Variants in BCAS3 observed in about 807,000 individuals in gnomAD.
The protein encoded by BCAS3 is BCAS4/BCAS3 fusion.
Under a neutral mutation model 116.1 loss-of-function variants are expected in BCAS3, and 53 were observed. The observed-to-expected ratio is 0.46, with a 90% CI of 0.37 to 0.57. The LOEUF is 0.57. Among genes scored for constraint, BCAS3 ranks in the 20% least tolerant of loss-of-function variants. BCAS3 has a pLI of 0.00. For missense variants in BCAS3, 917 were observed against 1,165.4 expected, an observed-to-expected ratio of 0.79 and a Z score of 3.10; for synonymous variants, 391 against 408.2, an observed-to-expected ratio of 0.96 and a Z score of 0.51.
At chr17:60,918,767 AC>A (rs1301446734) in intron 12 of BCAS3, among the ~76,000 whole-genome samples, 13 of 145,780 alleles carry the variant, frequency 8.9e-5, no homozygotes, top group Admixed American at 7.1e-4. Flanking sequence ...ATCTTGGCTC[AC>A]TGCAAGCTCC....
At chr17:61,110,250 C>T (rs897834197) in intron 22 of BCAS3, among the ~76,000 whole-genome samples, 8 of 152,076 alleles carry the variant, frequency 5.3e-5, no homozygotes, top group African/African-American at 7.2e-5. Flanking sequence ...CCAAGATGGC[C>T]GAATAGGAAC....
At chr17:60,888,983 T>C (rs937769346) in intron 9 of BCAS3, among the ~76,000 whole-genome samples, 38 of 152,096 alleles carry the variant, frequency 2.5e-4, no homozygotes, top group African/African-American at 8.4e-4. Context: ...GACTAGGGAG[T>C]GGCAGCAGGG....
intron 12 of BCAS3, among the ~76,000 whole-genome samples, chr17:60,916,409 G>C (rs1350758134): frequency 6.6e-6 from 1 of 152,094 alleles, no homozygotes; most frequent in Admixed American, 6.5e-5. Context: ...GGAAATAAAG[G>C]CATTCTTAGA....
chr17:60,828,115 A>G (rs1397679907), intron 7 of BCAS3, among the ~76,000 whole-genome samples: 2 of 152,196 alleles, frequency 1.3e-5, no homozygotes, highest in African/African-American at 2.4e-5. Context: ...ACTGGTTTAA[A>G]TGTTGGTCCA....
intron 7 of BCAS3, among the ~76,000 whole-genome samples, chr17:60,828,273 G>A (rs545838125): frequency 6.6e-6 from 1 of 152,196 alleles, no homozygotes; most frequent in Non-Finnish European, 1.5e-5. Context: ...TAGTGAATAA[G>A]CCTGAAAAGA....
chr17:60,991,158 A>C (rs148162994), intron 15 of BCAS3, among the ~76,000 whole-genome samples: 1 of 152,314 alleles, frequency 6.6e-6, no homozygotes, highest in East Asian at 1.9e-4. Flanking sequence ...ACTCCTAAGC[A>C]AGTGTCCTTA....
intron 23 of BCAS3, among the ~76,000 whole-genome samples, chr17:61,372,686 G>A (rs868390545): frequency 2.0e-5 from 3 of 152,102 alleles, no homozygotes; most frequent in African/African-American, 2.4e-5. Flanking sequence ...CCGAGCATAC[G>A]CAGTCTCTTG....
In BCAS3 at chr17:61,344,602, G is replaced by A. The variant is rs573020410; in HGVS notation, c.2426-23725G>A. Among the ~76,000 whole-genome samples the A allele has an allele frequency of 1.9e-4, 29 of 152,206 alleles. No homozygotes were observed. Among genetic ancestry groups the A allele is most frequent in the Non-Finnish European group, 3.7e-4 (25 of 68,042 alleles). The stretch of plus-strand genomic sequence containing the variant: ...CAGTAGTGTGTTACATGCTGATAGG[G>A]CAGGTTCAGGGCACCTGACCTAACC... On this transcript the variant is annotated intron_variant, in intron 22 of 23. Coordinates refer to ENST00000407086, the MANE Select transcript of BCAS3 (RefSeq NM_017679.5). This position sits in a 1 kb window ranked among gnomAD's most constrained non-coding sequence, Gnocchi z 4.1.
chr17:60,965,264 C>T (rs887441883), intron 14 of BCAS3, among the ~76,000 whole-genome samples: 4 of 148,560 alleles, frequency 2.7e-5, no homozygotes, highest in Non-Finnish European at 5.9e-5. Context: ...AGTCTCACTC[C>T]AGGCTGGAGT....
In BCAS3 at chr17:61,028,024, GA is replaced by G. The variant is rs2066380453; in HGVS notation, c.1638-6638del. Among the ~76,000 whole-genome samples, 1 of 151,838 alleles carries G rather than the reference GA, an allele frequency of 6.6e-6. No individual in the cohort carries two copies. The highest frequency in any genetic ancestry group is 2.4e-5 in the African/African-American group (1 of 41,402). On this transcript the variant is annotated intron_variant, in intron 16 of 23. Coordinates refer to ENST00000407086, the MANE Select transcript of BCAS3 (RefSeq NM_017679.5). This position sits in a 1 kb window ranked among gnomAD's most constrained non-coding sequence, Gnocchi z 4.3. ...ATTTTATTAATTTAGTCAGAATACTGAAAAGAGTTCTGCACATATGTGTAGT... is the reference window on the plus strand; with the variant it reads ...ATTTTATTAATTTAGTCAGAATACTGAAAGAGTTCTGCACATATGTGTAGT...
chr17:61,360,577 G>C (rs1350390088), intron 22 of BCAS3, among the ~76,000 whole-genome samples: 2 of 152,174 alleles, frequency 1.3e-5, no homozygotes, highest in Non-Finnish European at 2.9e-5. Context: ...GGCTTAGGCA[G>C]GATAACTCAC....
intron 14 of BCAS3, among the ~76,000 whole-genome samples, chr17:60,974,153 G>A (rs1014873406): frequency 4.8e-4 from 73 of 152,150 alleles, no homozygotes; most frequent in African/African-American, 1.7e-3. Context: ...AACAATCTCT[G>A]CTTCAGGTTT....
At position 61,222,616 on chromosome 17, in the gene BCAS3, G is replaced by A. The variant is rs989103869; in HGVS notation, c.2425+138052G>A. On this transcript the variant is annotated intron_variant, in intron 22 of 23. Transcript: ENST00000407086. The surrounding 1 kb of genome is among the most constrained non-coding windows in gnomAD (Gnocchi z 6.1). ...CTGTAGCTTAGTAATAACTGAACAT[G>A]GTTAATTTGTTCTGGTTTATTGTTG... Among the ~76,000 whole-genome samples, 2 of 152,074 alleles carry A rather than the reference G, an allele frequency of 1.3e-5. No individual in the cohort carries two copies. The highest frequency in any genetic ancestry group is 1.5e-5 in the Non-Finnish European group (1 of 68,024).
intron 10 of BCAS3, among the ~76,000 whole-genome samples, chr17:60,897,241 C>T (rs1230848703): frequency 6.6e-6 from 1 of 152,126 alleles, no homozygotes; most frequent in African/African-American, 2.4e-5. Flanking sequence ...ATTCCATTGT[C>T]TTCTGGCTTG....
At chr17:60,740,631 G>A (rs763240858) in intron 5 of BCAS3, among the ~76,000 whole-genome samples, 16 of 152,094 alleles carry the variant, frequency 1.1e-4, no homozygotes, top group Non-Finnish European at 1.6e-4. Context: ...AGTCCTGTGG[G>A]TAAGTTTTAG....
At chr17:60,698,867 C>T (rs1014224185) in intron 4 of BCAS3, among the ~76,000 whole-genome samples, 2 of 152,098 alleles carry the variant, frequency 1.3e-5, no homozygotes, top group African/African-American at 2.4e-5. Context: ...ACCAGCCTGG[C>T]CAACATGGTG....
rs574857065 is a variant in BCAS3 at position 61,286,828 on chromosome 17, G to A, written c.2426-81499G>A. ...ATCCTGGCCAGGGTGAGGAAAGACA[G>A]AGAATGCTTTCTAGGACCTTTATAC... On this transcript the variant is annotated intron_variant, in intron 22 of 23. Coordinates refer to ENST00000407086, the MANE Select transcript of BCAS3 (RefSeq NM_017679.5). The surrounding 1 kb of genome is among the most constrained non-coding windows in gnomAD (Gnocchi z 4.8). 2.0e-5 allele frequency among the ~76,000 whole-genome samples: 3 copies of A among 152,294 alleles called. No homozygotes were observed. The highest frequency in any genetic ancestry group is 4.1e-4 in the South Asian group (2 of 4,826).
At chr17:60,874,944 T>G (rs1387508148) in intron 9 of BCAS3, among the ~76,000 whole-genome samples, 1 of 152,180 alleles carries the variant, frequency 6.6e-6, no homozygotes. Context: ...TTTATATTAC[T>G]AAGCAAGCTT....
intron 19 of BCAS3, among the ~76,000 whole-genome samples, chr17:61,044,961 C>G (rs1568207040): frequency 6.6e-6 from 1 of 151,800 alleles, no homozygotes; most frequent in Non-Finnish European, 1.5e-5. Flanking sequence ...GGGGTTTCAC[C>G]AGGTTGGCCA....
Sources: allele counts gnomAD v4.1 joint callset (sites outside exome capture counted in the v4.1 genomes callset), GRCh38; gene constraint gnomAD v4.1.1; non-coding constraint Gnocchi (gnomAD v3.1); transcripts MANE v1.5; gene names NCBI Gene and HGNC (gene_info 2026-07-23, HGNC 2026-07-21).